The following ZNF676 variants were observed in gnomAD, a reference collection of about 807,000 sequenced individuals.
The protein encoded by ZNF676 is zinc finger protein 676.
A neutral mutation model predicts 6.0 loss-of-function variants in ZNF676; 4 were observed. The observed-to-expected ratio is 0.67, with a 90% CI of 0.33 to 1.53. The LOEUF (loss-of-function observed/expected upper bound fraction) is 1.53, where lower values mean the gene tolerates loss of function less well. Ranked by LOEUF, ZNF676 falls within the 40% of genes most tolerant of loss-of-function variation. The pLI is 0.06. For synonymous variants in ZNF676, 198 were observed against 223.1 expected, an observed-to-expected ratio of 0.89 and a Z score of 1.00; for missense variants, 644 against 679.7, an observed-to-expected ratio of 0.95 and a Z score of 0.58.
At chr19:22,215,944 C>T (rs370103706), upstream of ZNF676, among the ~76,000 whole-genome samples, 9 of 152,232 alleles carry the variant, frequency 5.9e-5, no homozygotes, top group Admixed American at 4.6e-4. Flanking sequence ...CCAACGTAGG[C>T]TGCAGCCTTT....
the ZNF676 span, among the ~76,000 whole-genome samples, chr19:22,233,705 C>T: frequency 6.6e-6 from 1 of 150,386 alleles, no homozygotes; most frequent in Non-Finnish European, 1.5e-5. Context: ...CCAAAGTATA[C>T]CACCATTTCA....
intron 1 of ZNF676, among the ~76,000 whole-genome samples, chr19:22,208,769 T>A (rs1345482291): frequency 6.6e-6 from 1 of 151,000 alleles, no homozygotes; most frequent in Non-Finnish European, 1.5e-5. Context: ...CATGGCAAAA[T>A]CCCATCTATT....
At chr19:22,239,147 A>T in the ZNF676 span, among the ~76,000 whole-genome samples, 1 of 151,880 alleles carries the variant, frequency 6.6e-6, no homozygotes, top group African/African-American at 2.4e-5. Context: ...ATGAGTCAGC[A>T]TTCTACCTGT....
At chr19:22,202,865 G>C (rs2024039848) in intron 1 of ZNF676, among the ~76,000 whole-genome samples, 1 of 152,162 alleles carries the variant, frequency 6.6e-6, no homozygotes, top group Non-Finnish European at 1.5e-5. Context: ...GAACCCCAGG[G>C]CCTGCTGAAG....
the ZNF676 span, among the ~76,000 whole-genome samples, chr19:22,235,057 G>A: frequency 3.4e-4 from 49 of 144,730 alleles, no homozygotes; most frequent in African/African-American, 1.2e-3. Context: ...AAGGCAGAAA[G>A]GCAGGAAGAA....
At chr19:22,197,638 T>A (rs2144777307), upstream of ZNF676, among the ~76,000 whole-genome samples, 1 of 152,284 alleles carries the variant, frequency 6.6e-6, no homozygotes, top group East Asian at 1.9e-4. Context: ...AGCCTTCATT[T>A]TCCAAAAACA....
chr19:22,182,593 A>ACAAAAAAAAAAAAAAC (rs1555773387), intron 2 of ZNF676, among the ~76,000 whole-genome samples: 1 of 90,928 alleles, frequency 1.1e-5, no homozygotes, highest in Non-Finnish European at 2.1e-5. Context: ...TCTAAAAAAA[A>ACAAAAAAAAAAAAAAC]AAAAAAAAAG....
the ZNF676 span, among the ~76,000 whole-genome samples, chr19:22,222,424 T>A: frequency 6.6e-6 from 1 of 152,016 alleles, no homozygotes; most frequent in Non-Finnish European, 1.5e-5. Flanking sequence ...ACTGTTTATG[T>A]TTTTTTTAAT....
At chr19:22,245,521 C>CA in the ZNF676 span, among the ~76,000 whole-genome samples, 2 of 130,070 alleles carry the variant, frequency 1.5e-5, no homozygotes, top group African/African-American at 6.2e-5. Flanking sequence ...CCCCCACCCC[C>CA]AATAGGCAGA....
the ZNF676 span, among the ~76,000 whole-genome samples, chr19:22,237,996 G>A: frequency 0.69 from 104,657 of 152,068 alleles, 36,555 homozygotes; most frequent in South Asian, 0.84. Flanking sequence ...GGCAATCTTA[G>A]CAGATTTGAG....
the ZNF676 span, among the ~76,000 whole-genome samples, chr19:22,260,258 C>G: frequency 6.6e-6 from 1 of 152,272 alleles, no homozygotes; most frequent in African/African-American, 2.4e-5. Flanking sequence ...CACCTGTAAT[C>G]CCAGCAATTT....
chr19:22,238,212 C>G, the ZNF676 span, among the ~76,000 whole-genome samples: 1 of 152,012 alleles, frequency 6.6e-6, no homozygotes, highest in Non-Finnish European at 1.5e-5. Flanking sequence ...TCGACACACC[C>G]GGCTAATTTT....
the ZNF676 span, among the ~76,000 whole-genome samples, chr19:22,232,052 G>A: frequency 1.2e-4 from 19 of 152,138 alleles, no homozygotes; most frequent in African/African-American, 3.9e-4. Flanking sequence ...TGTGTGTTTT[G>A]TGCAAGTGTG....
intron 1 of ZNF676, among the ~76,000 whole-genome samples, chr19:22,207,593 C>T (rs2024088315): frequency 6.6e-6 from 1 of 152,124 alleles, no homozygotes; most frequent in Admixed American, 6.5e-5. Context: ...AAAAAAACAA[C>T]TATTTTAAAA....
chr19:22,192,256 TTTAA>T (rs2023917406), intron 2 of ZNF676, among the ~76,000 whole-genome samples: 1 of 152,032 alleles, frequency 6.6e-6, no homozygotes, highest in Non-Finnish European at 1.5e-5. Flanking sequence ...TGAGAACAAA[TTTAA>T]TTGAGGAGCT....
the ZNF676 span, among the ~76,000 whole-genome samples, chr19:22,238,644 C>G: frequency 6.6e-6 from 1 of 152,116 alleles, no homozygotes; most frequent in African/African-American, 2.4e-5. Context: ...AGGGACAGAA[C>G]TAATGGTGTG....
At chr19:22,195,186 C>T (rs2023954012) in intron 1 of ZNF676, among the ~76,000 whole-genome samples, 1 of 152,152 alleles carries the variant, frequency 6.6e-6, no homozygotes, top group Admixed American at 6.6e-5. Context: ...TTTGGGAGCA[C>T]AACTACATGA....
At chr19:22,213,802 G>A (rs1222699538) in intron 1 of ZNF676, among the ~76,000 whole-genome samples, 1 of 152,134 alleles carries the variant, frequency 6.6e-6, no homozygotes, top group South Asian at 2.1e-4. Flanking sequence ...TACTCTTGCA[G>A]ACACAGCCAT....
At chr19:22,249,257 G>C in the ZNF676 span, among the ~76,000 whole-genome samples, 1 of 152,086 alleles carries the variant, frequency 6.6e-6, no homozygotes, top group Non-Finnish European at 1.5e-5. Context: ...AATTTTTTTG[G>C]CCTAGTTTAG....
Sources: allele counts gnomAD v4.1 joint callset (sites outside exome capture counted in the v4.1 genomes callset), GRCh38; gene constraint gnomAD v4.1.1; transcripts MANE v1.5; gene names NCBI Gene and HGNC (gene_info 2026-07-23, HGNC 2026-07-21).